Variants in RGPD5 observed in about 807,000 individuals in gnomAD.
The protein encoded by RGPD5 is RANBP2 like and GRIP domain containing 5, also known as RANBP2-like and GRIP domain-containing protein 5/6.
chr2:109,774,505 T>TATATATTATATATATTTTATATATA, the RGPD5 span, among the ~76,000 whole-genome samples: 1 of 32,070 alleles, frequency 3.1e-5, no homozygotes, highest in South Asian at 1.2e-3. Context: ...CAAACATATA[T>TATATATTATATATATTTTATATATA]ATATATATAA....
At chr2:109,777,328 T>C in the RGPD5 span, among the ~76,000 whole-genome samples, 1 of 148,190 alleles carries the variant, frequency 6.7e-6, no homozygotes, top group East Asian at 2.0e-4. Context: ...ATTAATACTT[T>C]AATATACTTT....
chr2:109,763,637 A>G, the RGPD5 span, among the ~76,000 whole-genome samples: 1 of 150,288 alleles, frequency 6.7e-6, no homozygotes, highest in Non-Finnish European at 1.5e-5. Context: ...TTAGGAAAGT[A>G]TACCTGTTAA....
the RGPD5 span, among the ~76,000 whole-genome samples, chr2:109,777,874 G>C: frequency 7.3e-6 from 1 of 137,414 alleles, no homozygotes; most frequent in Non-Finnish European, 1.6e-5. Context: ...AGGATTATAA[G>C]GAAGAAATAA....
chr2:109,774,443 T>G, the RGPD5 span, among the ~76,000 whole-genome samples: 2 of 11,422 alleles, frequency 1.8e-4, 1 homozygote, highest in Non-Finnish European at 2.6e-4. Flanking sequence ...TGAGCCTAGA[T>G]TGCGCCATTG....
chr2:109,777,435 T>G, the RGPD5 span, among the ~76,000 whole-genome samples: 1 of 139,340 alleles, frequency 7.2e-6, no homozygotes, highest in Admixed American at 7.7e-5. Flanking sequence ...CTATGTCACT[T>G]GGTTATGGTA....
the RGPD5 span, among the ~76,000 whole-genome samples, chr2:109,771,393 C>T: frequency 1.0e-5 from 1 of 98,230 alleles, no homozygotes; most frequent in African/African-American, 5.3e-5. Context: ...TCATCACGTG[C>T]GGCGGCATAC....
At chr2:109,794,755 G>GCGCTT in intron 1 of RGPD5, 1 of 354,586 alleles carries the variant, frequency 2.8e-6, no homozygotes, top group Non-Finnish European at 3.2e-6. Flanking sequence ...GAAGAGTCCT[G>GCGCTT]GGGGGACCGC....
At chr2:109,765,352 A>G in the RGPD5 span, among the ~76,000 whole-genome samples, 5 of 149,940 alleles carry the variant, frequency 3.3e-5, no homozygotes, top group Non-Finnish European at 7.4e-5. Flanking sequence ...TGTGTGATAC[A>G]CTTGGATATT....
the RGPD5 span, among the ~76,000 whole-genome samples, chr2:109,765,407 T>C: frequency 2.0e-5 from 3 of 150,516 alleles, 1 homozygote; most frequent in Admixed American, 2.0e-4. Context: ...AATTTCCCAT[T>C]CATAGGCTGA....
the RGPD5 span, among the ~76,000 whole-genome samples, chr2:109,763,077 A>G: frequency 6.7e-6 from 1 of 150,068 alleles, no homozygotes; most frequent in East Asian, 2.0e-4. Flanking sequence ...TTTCATATCC[A>G]TTGTTTTCTT....
At chr2:109,760,813 G>A in the RGPD5 span, among the ~76,000 whole-genome samples, 1 of 138,116 alleles carries the variant, frequency 7.2e-6, no homozygotes, top group Non-Finnish European at 1.6e-5. Flanking sequence ...CGGGAGCGGC[G>A]AGGGGCGGCC....
chr2:109,777,296 A>G, the RGPD5 span, among the ~76,000 whole-genome samples: 1 of 148,736 alleles, frequency 6.7e-6, no homozygotes, highest in African/African-American at 2.5e-5. Context: ...ATGTATTGAG[A>G]TGGTCATATG....
At chr2:109,761,329 C>G in the RGPD5 span, among the ~76,000 whole-genome samples, 2 of 151,218 alleles carry the variant, frequency 1.3e-5, no homozygotes, top group Non-Finnish European at 2.9e-5. Flanking sequence ...GAGTGTTTCT[C>G]CGTGCCGGTA....
chr2:109,761,844 T>C, the RGPD5 span, among the ~76,000 whole-genome samples: 1 of 151,116 alleles, frequency 6.6e-6, no homozygotes, highest in African/African-American at 2.4e-5. Flanking sequence ...TTGTTTTTTT[T>C]TTCCTTTTGC....
At chr2:109,777,258 G>A in the RGPD5 span, among the ~76,000 whole-genome samples, 5 of 148,476 alleles carry the variant, frequency 3.4e-5, no homozygotes, top group Admixed American at 6.9e-5. Context: ...ACAAAAGGAT[G>A]TGTGATTTTT....
the RGPD5 span, among the ~76,000 whole-genome samples, chr2:109,763,902 T>C: frequency 2.0e-5 from 3 of 147,252 alleles, no homozygotes; most frequent in African/African-American, 5.0e-5. Context: ...ACAGAGAGTG[T>C]CCTCAAATGA....
the RGPD5 span, among the ~76,000 whole-genome samples, chr2:109,760,742 G>C: frequency 3.4e-4 from 49 of 144,818 alleles, 1 homozygote; most frequent in African/African-American, 5.0e-4. Flanking sequence ...ACTTAGCCCT[G>C]CTCCAGGAAT....
the RGPD5 span, among the ~76,000 whole-genome samples, chr2:109,766,817 A>AT: frequency 6.7e-6 from 1 of 150,256 alleles, no homozygotes; most frequent in Non-Finnish European, 1.5e-5. Context: ...ATTTTTGGGA[A>AT]TAAAGCCTTG....
the RGPD5 span, among the ~76,000 whole-genome samples, chr2:109,766,444 G>A: frequency 2.4e-3 from 355 of 150,684 alleles, 11 homozygotes; most frequent in African/African-American, 8.0e-3. Flanking sequence ...GGATACCAGG[G>A]AGGAGGAACC....
Sources: allele counts gnomAD v4.1 joint callset (sites outside exome capture counted in the v4.1 genomes callset), GRCh38; gene constraint gnomAD v4.1.1; transcripts MANE v1.5; gene names NCBI Gene and HGNC (gene_info 2026-07-23, HGNC 2026-07-21).